Variants in CERK observed in about 807,000 individuals in gnomAD.
CERK encodes acylsphingosine kinase.
Under a neutral mutation model 63.4 loss-of-function variants are expected in CERK, and 39 were observed. The observed-to-expected ratio is 0.61, with a 90% CI of 0.48 to 0.80. The LOEUF is 0.80. Among genes scored for constraint, CERK ranks in the 30% least tolerant of loss-of-function variants. CERK has a pLI of 0.00. For missense variants in CERK, 670 were observed against 714.1 expected (o/e 0.94, Z 0.70); for synonymous variants, 302 against 280.0 (o/e 1.08, Z -0.78).
intron 5 of CERK, among the ~76,000 whole-genome samples, chr22:46,710,367 G>A (rs551928079): frequency 4.8e-4 from 73 of 151,020 alleles, no homozygotes; most frequent in Admixed American, 1.5e-3. Flanking sequence ...TTGGGAGGCC[G>A]AAGCTGCCGA....
chr22:46,704,650 C>A (rs1396304520), intron 6 of CERK, among the ~76,000 whole-genome samples: 1 of 151,962 alleles, frequency 6.6e-6, no homozygotes, highest in Non-Finnish European at 1.5e-5. Flanking sequence ...CATGGTGAAA[C>A]CCTGTCTCTA....
intron 10 of CERK, 117 bp downstream of exon 10, chr22:46,693,310 A>AT: frequency 2.5e-6 from 2 of 806,680 alleles, no homozygotes; most frequent in Admixed American, 2.1e-5. Flanking sequence ...CTGGTGCCAG[A>AT]CAGGAAAAAG....
chr22:46,687,837 A>T (rs545277871), intron 12 of CERK, among the ~76,000 whole-genome samples: 22 of 152,248 alleles, frequency 1.4e-4, no homozygotes, highest in African/African-American at 4.3e-4. Flanking sequence ...AGCTCTATTT[A>T]TCTCATTTAT....
At chr22:46,715,409 G>A (rs1263464574) in intron 3 of CERK, among the ~76,000 whole-genome samples, 1 of 152,182 alleles carries the variant, frequency 6.6e-6, no homozygotes, top group Non-Finnish European at 1.5e-5. Flanking sequence ...AATGCAAGGT[G>A]AAATACACAA....
chr22:46,730,676 ACTC>A (rs36003793), intron 1 of CERK, among the ~76,000 whole-genome samples: 7,616 of 152,128 alleles, frequency 0.05, 625 homozygotes, highest in African/African-American at 0.17. Flanking sequence ...TGCTTTTCCT[ACTC>A]CTCCTATTAA....
intron 6 of CERK, among the ~76,000 whole-genome samples, chr22:46,704,570 T>C (rs1001039416): frequency 1.3e-5 from 2 of 152,170 alleles, no homozygotes; most frequent in African/African-American, 4.8e-5. Context: ...CTCACGTCTA[T>C]AATCCCAGCA....
At chr22:46,726,701 C>T (rs2082920001) in intron 1 of CERK, among the ~76,000 whole-genome samples, 1 of 152,186 alleles carries the variant, frequency 6.6e-6, no homozygotes, top group African/African-American at 2.4e-5. Flanking sequence ...ACCAGCCCTG[C>T]CCACCACTGC....
chr22:46,707,835 C>G lies in CERK; in HGVS notation c.715+8G>C. On this transcript the variant is annotated splice_region_variant and intron_variant, in intron 6 of 12. Transcript: ENST00000216264. ...AAGAGAACAGAGAATGCCAGGCCGG[C>G]TCCATACCTGCGGGAATGATTCCAA... The G allele has an allele frequency of 6.2e-7, 1 of 1,601,892 alleles. No homozygotes were observed. The highest frequency in any genetic ancestry group is 8.5e-7 in the Non-Finnish European group (1 of 1,171,452).
intron 1 of CERK, among the ~76,000 whole-genome samples, chr22:46,723,269 T>C (rs2082901591): frequency 2.0e-5 from 3 of 152,160 alleles, no homozygotes; most frequent in Admixed American, 2.0e-4. Context: ...GACAGAAAAG[T>C]TAATAGAGGA....
rs142286087 is a variant in CERK, at chr22:46,719,483, C to A, written c.379+603G>T. On this transcript the variant is annotated intron_variant, in intron 3 of 12. Transcript: ENST00000216264. ...GGTCAGAAGTCTGAGACCAGCCTGG[C>A]CAACTTGGTAAAACCCCATCTCTAC... Among the ~76,000 whole-genome samples the A allele has an allele frequency of 1.2e-3, 177 of 152,112 alleles. 2 individuals carry two copies. In the East Asian group the frequency reaches 0.028, roughly 24 times the overall value.
intron 8 of CERK, among the ~76,000 whole-genome samples, chr22:46,697,210 C>T (rs1341673941): frequency 6.6e-6 from 1 of 152,196 alleles, no homozygotes; most frequent in African/African-American, 2.4e-5. Flanking sequence ...TAATTTGATA[C>T]AGATTTATCT....
chr22:46,690,957 GTA>G (rs1461242311), intron 11 of CERK, among the ~76,000 whole-genome samples: 1 of 151,690 alleles, frequency 6.6e-6, no homozygotes, highest in Non-Finnish European at 1.5e-5. Flanking sequence ...ATGTATGTAT[GTA>G]TGTGTGTGTA....
chr22:46,724,298 G>T (rs2082907065), intron 1 of CERK, among the ~76,000 whole-genome samples: 1 of 152,200 alleles, frequency 6.6e-6, no homozygotes, highest in Non-Finnish European at 1.5e-5. Flanking sequence ...TAGGAAATAT[G>T]TGTTCATCGG....
At chr22:46,694,265 G>A (rs898997024) in intron 9 of CERK, among the ~76,000 whole-genome samples, 4 of 152,098 alleles carry the variant, frequency 2.6e-5, no homozygotes, top group African/African-American at 9.7e-5. Flanking sequence ...CCATTCAGGC[G>A]CCCTCCATGG....
Position 46,721,085 on chromosome 22 carries a change from CAAG to C in CERK, c.143-73_143-71del, listed in dbSNP as rs1313365203. 3.1e-6 allele frequency: 3 copies of C among 968,710 alleles called. No individual in the cohort carries two copies. The East Asian group carries it at 7.3e-5, about 23-fold the overall frequency. 60.0% of individuals were successfully genotyped at this position (968,710 alleles called of 1,614,324 possible). A position where few individuals can be genotyped will look rare whatever the true frequency, so the allele number is the denominator to read the frequency against. ...CACACAGGTAAAATCAGTCCAACTC[CAAG>C]AAGCTGAGAATATTCTGCTTTAATA... On this transcript the variant is annotated intron_variant, in intron 1 of 12. Transcript: ENST00000216264.
chr22:46,694,982 A>AGAG (rs1453514363), intron 9 of CERK, among the ~76,000 whole-genome samples: 1 of 152,198 alleles, frequency 6.6e-6, no homozygotes, highest in Non-Finnish European at 1.5e-5. Context: ...CAGAGTCCTC[A>AGAG]TCCCTGGCAC....
In CERK at chr22:46,693,586, A is replaced by G. The variant is rs2082742308; in HGVS notation, c.1050-83T>C. On this transcript the variant is annotated intron_variant, in intron 9 of 12. Coordinates refer to ENST00000216264, the MANE Select transcript of CERK (RefSeq NM_022766.6). ...GCTTGGCACATATAGATGTATTTAC[A>G]TTCTTTTCACATACGAAAAAATTCC... 6 of 1,159,264 alleles carry G rather than the reference A, an allele frequency of 5.2e-6. No individual in the cohort carries two copies. In the Admixed American group the frequency reaches 7.2e-5, roughly 14 times the overall value. 71.8% of individuals were successfully genotyped at this position (1,159,264 alleles called of 1,614,324 possible).
chr22:46,690,438 T>TACCTTCCCCGGTGCCC (rs2082724953), intron 11 of CERK, among the ~76,000 whole-genome samples: 2 of 151,864 alleles, frequency 1.3e-5, no homozygotes, highest in Admixed American at 6.6e-5. Context: ...CCCCGGCGCC[T>TACCTTCCCCGGTGCCC]ACCTTCCCCG....
chr22:46,726,175 C>T (rs2082917145), intron 1 of CERK, among the ~76,000 whole-genome samples: 1 of 152,246 alleles, frequency 6.6e-6, no homozygotes, highest in African/African-American at 2.4e-5. Flanking sequence ...CATGCCGCTC[C>T]AGACCTCACG....
Sources: gnomAD v4.1 joint callset for allele counts (sites outside exome capture counted in the v4.1 genomes callset) on GRCh38, gnomAD v4.1.1 for gene constraint, MANE v1.5 for transcripts, NCBI Gene and HGNC (gene_info 2026-07-23, HGNC 2026-07-21) for gene names.